Variants in TNS1 observed in about 807,000 individuals in gnomAD.
TNS1 encodes tensin 1, also known as tensin-1.
TNS1 carries 62 observed loss-of-function variants against 168.6 expected under a neutral mutation model. The observed-to-expected ratio is 0.37, with a 90% CI of 0.30 to 0.45. The LOEUF is 0.45. Among genes scored for constraint, TNS1 ranks in the 20% least tolerant of loss-of-function variants. The pLI, the probability that TNS1 is intolerant of heterozygous loss-of-function variation, is 1.00. For synonymous variants in TNS1, 934 were observed against 933.2 expected, an observed-to-expected ratio of 1.00 and a Z score of -0.02; for missense variants, 2,240 against 2,339.4, an observed-to-expected ratio of 0.96 and a Z score of 0.88.
chr2:218,022,846 C>T (rs1217529979), intron 1 of TNS1, among the ~76,000 whole-genome samples: 1 of 152,054 alleles, frequency 6.6e-6, no homozygotes, highest in African/African-American at 2.4e-5. Flanking sequence ...GGGGAGAAAG[C>T]TGGGCCAGAA....
rs184451758 is a variant in TNS1 at position 217,818,578 on chromosome 2, C to T, written c.3754G>A (p.Asp1252Asn). 2.2e-4 allele frequency: 358 copies of T among 1,614,180 alleles called. No homozygotes were observed. In the East Asian group the frequency reaches 6.6e-3, roughly 30 times the overall value. ...PTVGSSYSSP[D>N]YSLQHFSSSP... ...GAGCTGAAATGCTGAAGTGAGTAGT[C>T]GGGGCTGCTGTAGCTACTGCCCACA... The change falls in exon 24 of 33, where the codon GAC becomes AAC. Residue 1252 changes from aspartate to asparagine, a missense_variant. Around this residue, in one of 2 missense-constraint regions of TNS1, gnomAD observed 2,131 missense variants for 2,171.2 expected, o/e 0.98. Coordinates refer to ENST00000682258, the MANE Select transcript of TNS1 (RefSeq NM_001387777.1).
chr2:218,027,115 A>G (rs896354593), intron 1 of TNS1, among the ~76,000 whole-genome samples: 1 of 150,306 alleles, frequency 6.7e-6, no homozygotes, highest in Non-Finnish European at 1.5e-5. Context: ...CCCCACAAAC[A>G]CACACACACA....
At chr2:217,975,905 G>C (rs904708028) in intron 3 of TNS1, among the ~76,000 whole-genome samples, 2 of 152,138 alleles carry the variant, frequency 1.3e-5, no homozygotes, top group African/African-American at 4.8e-5. Flanking sequence ...CCTGGTGCCT[G>C]CTCAAGGCCA....
chr2:217,915,204 C>T (rs574883411), intron 4 of TNS1, among the ~76,000 whole-genome samples: 23 of 152,332 alleles, frequency 1.5e-4, no homozygotes, highest in Admixed American at 9.2e-4. Flanking sequence ...GGAGCGAGCC[C>T]GCACACTGAA....
chr2:217,954,967 T>C (rs1292450841), intron 3 of TNS1, among the ~76,000 whole-genome samples: 1 of 151,770 alleles, frequency 6.6e-6, no homozygotes. Context: ...TGCACACACT[T>C]CCGTGAATGT....
chr2:217,978,078 C>T (rs984664098), intron 3 of TNS1, among the ~76,000 whole-genome samples: 6 of 152,174 alleles, frequency 3.9e-5, no homozygotes, highest in African/African-American at 1.2e-4. Flanking sequence ...TGTGTCCAAA[C>T]CTCAGTGGAT....
intron 3 of TNS1, among the ~76,000 whole-genome samples, chr2:217,973,436 G>A (rs1482115544): frequency 6.6e-6 from 1 of 151,452 alleles, no homozygotes; most frequent in African/African-American, 2.4e-5. Context: ...CTCAACAGGA[G>A]AGAAACAACT....
intron 3 of TNS1, among the ~76,000 whole-genome samples, chr2:217,937,363 C>T (rs1180054786): frequency 1.3e-5 from 2 of 152,168 alleles, no homozygotes; most frequent in African/African-American, 4.8e-5. Flanking sequence ...TCCACAGGCA[C>T]TGCCCCGGAC....
chr2:217,851,022 G>A (rs2125457781), intron 18 of TNS1, among the ~76,000 whole-genome samples: 1 of 152,292 alleles, frequency 6.6e-6, no homozygotes, highest in Admixed American at 6.5e-5. Flanking sequence ...AACCATTTAT[G>A]TGCCAACAAT....
upstream of TNS1, among the ~76,000 whole-genome samples, chr2:218,003,417 C>T (rs1208092490): frequency 1.3e-5 from 2 of 152,170 alleles, no homozygotes; most frequent in Non-Finnish European, 2.9e-5. Context: ...GCCTTGGCCC[C>T]TCCCCTTCTC....
chr2:218,001,590 T>C (rs1048719081), intron 1 of TNS1, among the ~76,000 whole-genome samples: 3 of 152,046 alleles, frequency 2.0e-5, no homozygotes, highest in South Asian at 2.1e-4. Context: ...AAGGCTCCCA[T>C]TTCCCAGATG....
intron 22 of TNS1, chr2:217,830,542 G>T: frequency 1.1e-6 from 1 of 935,748 alleles, no homozygotes; most frequent in Non-Finnish European, 1.6e-6. Context: ...GAGGAGCTGG[G>T]AAATGGGAGG....
Position 217,804,649 on chromosome 2 carries a change from A to G in TNS1, c.5376-46T>C, listed in dbSNP as rs367617780. The G allele has an allele frequency of 9.3e-6, 15 of 1,609,572 alleles. No homozygotes were observed. The Admixed American group carries it at 1.0e-4, about 11-fold the overall frequency. ...CGGGCATGAGGGAAGGGCAAGTGGAACCCCAGGAGGTGGACAGCAGCCCAG... is the reference window on the plus strand; with the variant it reads ...CGGGCATGAGGGAAGGGCAAGTGGAGCCCCAGGAGGTGGACAGCAGCCCAG... On this transcript the variant is annotated intron_variant, in intron 32 of 32. Coordinates refer to ENST00000682258, the MANE Select transcript of TNS1 (RefSeq NM_001387777.1).
At chr2:217,834,208 C>T (rs1006905569) in intron 21 of TNS1, among the ~76,000 whole-genome samples, 1 of 152,336 alleles carries the variant, frequency 6.6e-6, no homozygotes, top group African/African-American at 2.4e-5. Context: ...ACGTACATTG[C>T]CACATTCCTC....
In TNS1 at chr2:218,033,596, T is replaced by C. The variant is rs1010508090; in HGVS notation, c.156+224A>G. On this transcript the variant is annotated intron_variant, in intron 1 of 1. Transcript: ENST00000649572. This position sits in a 1 kb window ranked among gnomAD's most constrained non-coding sequence, Gnocchi z 4.3. ...GGGGTCAGGTCCTATATCACCCTCC[T>C]CCCAAGGGCACAAGAGACCCAGGGG... is the stretch of plus-strand genomic sequence containing the variant. 1.2e-4 allele frequency among the ~76,000 whole-genome samples: 18 copies of C among 152,068 alleles called. No homozygotes were observed. The highest frequency in any genetic ancestry group is 4.3e-4 in the African/African-American group (18 of 41,522).
rs2125018753 is a variant in TNS1 at position 217,804,292 on chromosome 2, TC to T, written c.*166del. On this transcript the variant is annotated 3_prime_UTR_variant, in exon 33 of 33. Transcript: ENST00000682258. ...TCTCTCTCTCTCTCTCTCTCTCTTT[TC>T]CCCCTCCCCTCTGCAATTCACTTCC... 3.6e-6 allele frequency: 2 copies of T among 557,438 alleles called. No homozygotes were observed. Among genetic ancestry groups the T allele is most frequent in the East Asian group, 5.7e-5 (2 of 35,240 alleles). The allele number at this position is 557,438 out of a possible 1,614,324, so 34.5% of individuals were successfully genotyped here.
At chr2:217,845,843 G>T (rs1325767833) in intron 19 of TNS1, among the ~76,000 whole-genome samples, 1 of 152,154 alleles carries the variant, frequency 6.6e-6, no homozygotes, top group Admixed American at 6.5e-5. Flanking sequence ...GTTCTTGTAG[G>T]GGAGGAAATG....
intron 1 of TNS1, among the ~76,000 whole-genome samples, chr2:218,025,428 T>C (rs1958842288): frequency 6.6e-6 from 1 of 152,076 alleles, no homozygotes; most frequent in South Asian, 2.1e-4. Flanking sequence ...TTTTGTGTTT[T>C]TAGTAGAGAC....
At chr2:217,928,308 G>C (rs1221289583) in intron 3 of TNS1, among the ~76,000 whole-genome samples, 1 of 152,234 alleles carries the variant, frequency 6.6e-6, no homozygotes, top group East Asian at 1.9e-4. Context: ...GAGGGATCCT[G>C]GAGAGAAGGT....
Sources: allele counts gnomAD v4.1 joint callset (sites outside exome capture counted in the v4.1 genomes callset), GRCh38; gene constraint gnomAD v4.1.1; regional missense constraint gnomAD v4.1.1; non-coding constraint Gnocchi (gnomAD v3.1); transcripts MANE v1.5; gene names NCBI Gene and HGNC (gene_info 2026-07-23, HGNC 2026-07-21).